DPP10: variants seen among roughly 807,000 people sequenced by gnomAD.
DPP10 encodes inactive dipeptidyl peptidase 10.
DPP10 carries 33 observed loss-of-function variants against 120.9 expected under a neutral mutation model. The ratio of observed to expected loss-of-function variants is 0.27; its 90% CI spans 0.21 to 0.37. The LOEUF (loss-of-function observed/expected upper bound fraction) is 0.37. Among genes scored for constraint, DPP10 ranks in the 10% least tolerant of loss-of-function variants. DPP10 has a pLI of 1.00. For missense variants in DPP10, 816 were observed against 942.8 expected, an observed-to-expected ratio of 0.87 and a Z score of 1.76; for synonymous variants, 337 against 326.1, an observed-to-expected ratio of 1.03 and a Z score of -0.36.
chr2:115,492,010 G>A lies in DPP10; in HGVS notation c.272-7500G>A, dbSNP rs541629304. Among the ~76,000 whole-genome samples the A allele has an allele frequency of 2.0e-5, 3 of 152,234 alleles. No individual in the cohort carries two copies. In the East Asian group the frequency reaches 5.8e-4, roughly 29 times the overall value. On this transcript the variant is annotated intron_variant, in intron 3 of 25. Transcript: ENST00000410059. ...GATGGAGGAGCCTGAACAAATTTTA[G>A]TCAAGGCAGATATCTTCATCAGGAG...
intron 3 of DPP10, among the ~76,000 whole-genome samples, chr2:115,378,238 G>A (rs1156622867): frequency 6.6e-6 from 1 of 151,748 alleles, no homozygotes; most frequent in Non-Finnish European, 1.5e-5. Context: ...TCGAGCAGTG[G>A]TTTGTAGTTC....
intron 1 of DPP10, among the ~76,000 whole-genome samples, chr2:114,460,826 A>C (rs936962978): frequency 6.6e-6 from 1 of 152,222 alleles, no homozygotes; most frequent in African/African-American, 2.4e-5. Context: ...TCTGAACAAA[A>C]TGCATTTTTA....
chr2:115,160,753 G>A (rs1006371848), intron 1 of DPP10, among the ~76,000 whole-genome samples: 1 of 152,190 alleles, frequency 6.6e-6, no homozygotes, highest in South Asian at 2.1e-4. Flanking sequence ...TCTATCCGCG[G>A]TAATTCAACT....
At chr2:114,798,539 C>G (rs1344139751) in intron 1 of DPP10, among the ~76,000 whole-genome samples, 1 of 152,066 alleles carries the variant, frequency 6.6e-6, no homozygotes, top group Non-Finnish European at 1.5e-5. Flanking sequence ...AATAAGGGCT[C>G]TCAGGCACTG....
intron 1 of DPP10, among the ~76,000 whole-genome samples, chr2:114,787,012 C>T (rs1236394487): frequency 1.3e-5 from 2 of 152,182 alleles, no homozygotes; most frequent in Non-Finnish European, 2.9e-5. Flanking sequence ...CCTCCTCTCT[C>T]TCATGGGGTT....
intron 1 of DPP10, among the ~76,000 whole-genome samples, chr2:114,532,292 T>TAC (rs1433723535): frequency 0.042 from 2,759 of 65,652 alleles, 45 homozygotes; most frequent in Non-Finnish European, 0.058. Flanking sequence ...TATATATATA[T>TAC]ATATACACAC....
At chr2:115,451,131 C>A (rs558175841) in intron 3 of DPP10, among the ~76,000 whole-genome samples, 1 of 151,944 alleles carries the variant, frequency 6.6e-6, no homozygotes, top group African/African-American at 2.4e-5. Flanking sequence ...CTTGTAGCAT[C>A]TACTTACAGG....
intron 1 of DPP10, among the ~76,000 whole-genome samples, chr2:114,781,170 A>G (rs1392626828): frequency 1.3e-5 from 2 of 152,140 alleles, no homozygotes; most frequent in African/African-American, 4.8e-5. Context: ...GATGTAATAG[A>G]TCCTAGGAAC....
intron 3 of DPP10, among the ~76,000 whole-genome samples, chr2:115,421,165 T>C (rs2069918713): frequency 6.6e-6 from 1 of 151,962 alleles, no homozygotes; most frequent in African/African-American, 2.4e-5. Context: ...ATCTCTACCA[T>C]ATGTTCAGTG....
chr2:115,415,956 A>G (rs983287657), intron 3 of DPP10, among the ~76,000 whole-genome samples: 2 of 149,664 alleles, frequency 1.3e-5, no homozygotes, highest in Non-Finnish European at 3.0e-5. Flanking sequence ...TTATGTAGTA[A>G]TCTAATTTTG....
At chr2:115,084,658 T>G (rs530838341) in intron 1 of DPP10, among the ~76,000 whole-genome samples, 1 of 152,332 alleles carries the variant, frequency 6.6e-6, no homozygotes, top group South Asian at 2.1e-4. Flanking sequence ...GAGAAACTGC[T>G]GAAGAGCTGA....
At chr2:115,762,430 A>G (rs923179734) in intron 11 of DPP10, 142 bp from the exon 12 acceptor site, 20 of 766,652 alleles carry the variant, frequency 2.6e-5, no homozygotes, top group South Asian at 7.4e-5. Context: ...GATTAAATCA[A>G]TAATGACAAT....
At chr2:115,272,396 C>T (rs2059735801) in intron 1 of DPP10, among the ~76,000 whole-genome samples, 1 of 152,138 alleles carries the variant, frequency 6.6e-6, no homozygotes, top group Non-Finnish European at 1.5e-5. Context: ...AAAAACTCTG[C>T]ATTTGACCTA....
chr2:114,909,455 G>C (rs1352964192), intron 1 of DPP10, among the ~76,000 whole-genome samples: 2 of 151,914 alleles, frequency 1.3e-5, no homozygotes, highest in Non-Finnish European at 2.9e-5. Context: ...TTACAAATTA[G>C]GCTTACAAAA....
chr2:115,525,453 GT>G (rs1470194327), intron 4 of DPP10, among the ~76,000 whole-genome samples: 9 of 151,984 alleles, frequency 5.9e-5, no homozygotes, highest in African/African-American at 2.2e-4. Flanking sequence ...TGTCTTTAAT[GT>G]TAGTATCTTT....
chr2:115,521,933 C>G (rs1009199190), intron 4 of DPP10, among the ~76,000 whole-genome samples: 2 of 152,156 alleles, frequency 1.3e-5, no homozygotes, highest in African/African-American at 4.8e-5. Context: ...CATCCCTCAT[C>G]TTCCCAAGAA....
intron 3 of DPP10, among the ~76,000 whole-genome samples, chr2:115,470,040 A>G (rs1383962026): frequency 1.3e-5 from 2 of 152,192 alleles, no homozygotes; most frequent in African/African-American, 2.4e-5. Flanking sequence ...TCCTTGCTAA[A>G]TAGAATCTCT....
At chr2:115,035,122 C>T (rs1350316219) in intron 1 of DPP10, among the ~76,000 whole-genome samples, 2 of 152,212 alleles carry the variant, frequency 1.3e-5, no homozygotes, top group African/African-American at 2.4e-5. Context: ...CTGACCATGC[C>T]CCGACATATT....
intron 1 of DPP10, among the ~76,000 whole-genome samples, chr2:114,927,965 G>C (rs1459969811): frequency 1.3e-5 from 2 of 152,018 alleles, no homozygotes; most frequent in African/African-American, 4.8e-5. Context: ...GAACTAATAA[G>C]AGTGAGATTT....
Sources: gnomAD v4.1 joint callset for allele counts (sites outside exome capture counted in the v4.1 genomes callset) on GRCh38, gnomAD v4.1.1 for gene constraint, MANE v1.5 for transcripts, NCBI Gene and HGNC (gene_info 2026-07-23, HGNC 2026-07-21) for gene names.